Variants in DLG2 observed in about 807,000 individuals in gnomAD.
DLG2 encodes discs large MAGUK scaffold protein 2.
DLG2 carries 45 observed loss-of-function variants against 132.5 expected under a neutral mutation model. That is an observed-to-expected ratio of 0.34 (90% CI 0.27 to 0.44). The LOEUF is 0.44. Ranked by LOEUF, DLG2 falls within the 20% of genes least tolerant of loss-of-function variation. The pLI is 1.00. For synonymous variants in DLG2, 424 were observed against 419.6 expected (o/e 1.01, Z -0.13); for missense variants, 1,045 against 1,196.9 (o/e 0.87, Z 1.87).
At chr11:84,853,882 A>G (rs751465778) in intron 6 of DLG2, among the ~76,000 whole-genome samples, 1 of 152,044 alleles carries the variant, frequency 6.6e-6, no homozygotes, top group Non-Finnish European at 1.5e-5. Context: ...CTGAATACCA[A>G]TAAAGAATTT....
At chr11:83,661,862 A>C (rs1164663895) in intron 18 of DLG2, among the ~76,000 whole-genome samples, 1 of 152,238 alleles carries the variant, frequency 6.6e-6, no homozygotes, top group Non-Finnish European at 1.5e-5. Context: ...CTGACAAAGC[A>C]TCAGGACAGA....
chr11:83,968,214 T>C (rs1169551328), intron 12 of DLG2, among the ~76,000 whole-genome samples: 1 of 152,220 alleles, frequency 6.6e-6, no homozygotes, highest in African/African-American at 2.4e-5. Flanking sequence ...ATTCGTAATC[T>C]TTATTATTTT....
intron 24 of DLG2, 102 bp from the exon 25 acceptor site, chr11:83,469,475 T>C: frequency 2.3e-6 from 2 of 882,810 alleles, no homozygotes; most frequent in Non-Finnish European, 3.4e-6. Flanking sequence ...TATGTAGAAA[T>C]ATGTAGTATG....
chr11:85,511,313 G>A (rs546473913), intron 3 of DLG2, among the ~76,000 whole-genome samples: 3 of 151,990 alleles, frequency 2.0e-5, no homozygotes, highest in African/African-American at 7.2e-5. Flanking sequence ...CATGGCACAT[G>A]TATACACATG....
Position 85,138,910 on chromosome 11 carries a change from G to T in DLG2, c.282+15646C>A, listed in dbSNP as rs74706678. On this transcript the variant is annotated intron_variant, in intron 5 of 27. Coordinates refer to ENST00000376104, the MANE Select transcript of DLG2 (RefSeq NM_001142699.3). ...ACTAATACATACCCAAAGCACACTG[G>T]CCTGTTACCTGTTCCTCAATATAGT... Among the ~76,000 whole-genome samples, 25 of 152,088 alleles carry T rather than the reference G, an allele frequency of 1.6e-4. No homozygotes were observed. In the East Asian group the frequency reaches 4.8e-3, roughly 29 times the overall value.
At chr11:85,134,397 C>T (rs1355418851) in intron 5 of DLG2, among the ~76,000 whole-genome samples, 6 of 148,970 alleles carry the variant, frequency 4.0e-5, no homozygotes, top group Admixed American at 3.3e-4. Flanking sequence ...GGCGTAGTGG[C>T]GGGCGCCTGT....
chr11:85,164,611 C>G (rs1448960550), intron 4 of DLG2, among the ~76,000 whole-genome samples: 5 of 152,140 alleles, frequency 3.3e-5, no homozygotes, highest in Non-Finnish European at 7.4e-5. Context: ...CTATTTCTGA[C>G]TTTCTCCTCC....
intron 7 of DLG2, among the ~76,000 whole-genome samples, chr11:84,398,733 A>G (rs1022876338): frequency 1.3e-5 from 2 of 151,816 alleles, no homozygotes; most frequent in African/African-American, 4.9e-5. Context: ...AGTGAAAAAA[A>G]GAGTTGGTGA....
At chr11:83,687,791 C>T (rs1257600327) in intron 18 of DLG2, among the ~76,000 whole-genome samples, 1 of 151,828 alleles carries the variant, frequency 6.6e-6, no homozygotes, top group Non-Finnish European at 1.5e-5. Context: ...GAAACAAGTC[C>T]TCAGCCTGGG....
chr11:84,569,077 T>C (rs2099469951), intron 6 of DLG2, among the ~76,000 whole-genome samples: 1 of 152,158 alleles, frequency 6.6e-6, no homozygotes, highest in African/African-American at 2.4e-5. Flanking sequence ...AGCTTTGTAG[T>C]GCCCAGCCAG....
chr11:84,763,508 CCT>C (rs2067948468), intron 6 of DLG2, among the ~76,000 whole-genome samples: 1 of 152,174 alleles, frequency 6.6e-6, no homozygotes, highest in African/African-American at 2.4e-5. Context: ...CTGCCCAACC[CCT>C]CTGATTGATG....
chr11:84,210,518 C>A (rs2096739278), intron 8 of DLG2, among the ~76,000 whole-genome samples: 1 of 100,704 alleles, frequency 9.9e-6, no homozygotes. Context: ...CACATGTACC[C>A]TAAAACTTAA....
At chr11:83,484,364 A>G (rs2093359244) in intron 21 of DLG2, 136 bp from the exon 22 acceptor site, 1 of 633,716 alleles carries the variant, frequency 1.6e-6, no homozygotes, top group African/African-American at 1.9e-5. Context: ...GTGGTGCCAG[A>G]GAGTTCTAAA....
intron 6 of DLG2, among the ~76,000 whole-genome samples, chr11:84,659,903 T>A (rs1219214871): frequency 6.6e-6 from 1 of 152,090 alleles, no homozygotes; most frequent in Non-Finnish European, 1.5e-5. Context: ...CAAAGAAAGG[T>A]GTCCATTGGG....
chr11:83,720,014 C>T (rs561736873), intron 18 of DLG2, among the ~76,000 whole-genome samples: 6 of 151,940 alleles, frequency 3.9e-5, no homozygotes, highest in South Asian at 2.1e-4. Context: ...GACTTTCAGC[C>T]GGGCGCAGTG....
At chr11:83,629,441 T>A (rs1360339967) in intron 19 of DLG2, among the ~76,000 whole-genome samples, 1 of 152,208 alleles carries the variant, frequency 6.6e-6, no homozygotes, top group African/African-American at 2.4e-5. Flanking sequence ...TGTGACCTTT[T>A]TCTCCTTCCC....
chr11:85,059,105 A>T (rs1291851133), intron 6 of DLG2, among the ~76,000 whole-genome samples: 1 of 151,492 alleles, frequency 6.6e-6, no homozygotes, highest in Non-Finnish European at 1.5e-5. Context: ...GAATACATAC[A>T]TCCAAAATAG....
In DLG2 at chr11:83,846,704, A is replaced by G. The variant is rs535432496; in HGVS notation, c.1566-12934T>C. Among the ~76,000 whole-genome samples the G allele has an allele frequency of 5.9e-5, 9 of 152,290 alleles. No individual in the cohort carries two copies. The South Asian group carries it at 1.9e-3, about 32-fold the overall frequency. On this transcript the variant is annotated intron_variant, in intron 16 of 27. Coordinates refer to ENST00000376104, the MANE Select transcript of DLG2 (RefSeq NM_001142699.3). ...CCTTGGTAAATGGAATCAATCAGAC[A>G]AATTAAAAAATTTTCTTCTCGCAAC...
At chr11:84,683,773 C>A (rs2099735630) in intron 6 of DLG2, among the ~76,000 whole-genome samples, 1 of 152,134 alleles carries the variant, frequency 6.6e-6, no homozygotes, top group Non-Finnish European at 1.5e-5. Context: ...GAAGCAATTT[C>A]ATTGTGAAAC....
Sources: allele counts gnomAD v4.1 joint callset (sites outside exome capture counted in the v4.1 genomes callset), GRCh38; gene constraint gnomAD v4.1.1; transcripts MANE v1.5; gene names NCBI Gene and HGNC (gene_info 2026-07-23, HGNC 2026-07-21).